WDR33: variants seen among roughly 807,000 people sequenced by gnomAD.
The protein encoded by WDR33 is WD repeat domain 33.
Under a neutral mutation model 164.9 loss-of-function variants are expected in WDR33, and 47 were observed. The observed-to-expected ratio is 0.29, with a 90% confidence interval of 0.23 to 0.36. The LOEUF is 0.36. Ranked by LOEUF, WDR33 falls within the 10% of genes least tolerant of loss-of-function variation. WDR33 has a pLI of 1.00. For synonymous variants in WDR33, 505 were observed against 589.0 expected, an observed-to-expected ratio of 0.86 and a Z score of 2.06; for missense variants, 1,137 against 1,754.1, an observed-to-expected ratio of 0.65 and a Z score of 6.28.
Position 127,735,537 on chromosome 2 carries a change from A to T in WDR33, c.725-8760T>A. On this transcript the variant is annotated intron_variant, in intron 7 of 21. Coordinates refer to ENST00000322313, the MANE Select transcript of WDR33 (RefSeq NM_018383.5). This position sits in a 1 kb window ranked among gnomAD's most constrained non-coding sequence, Gnocchi z 4.3. ...CACCAAGATTTTCTAATACAGGAAG[A>T]AAAAAGGCAAACAAAGAATTCAAGT... The T allele has an allele frequency of 1.0e-6, 1 of 985,570 alleles. No homozygotes were observed. The highest frequency in any genetic ancestry group is 1.2e-6 in the Non-Finnish European group (1 of 829,762). The allele number at this position is 985,570 out of a possible 1,614,324, so 61.1% of individuals were successfully genotyped here. A position where few individuals can be genotyped will look rare whatever the true frequency, so the allele number is the denominator to read the frequency against.
Position 127,756,153 on chromosome 2 carries a change from G to T in WDR33, c.724+6909C>A, listed in dbSNP as rs1484683908. On this transcript the variant is annotated intron_variant, in intron 7 of 21. Coordinates refer to ENST00000322313, the MANE Select transcript of WDR33 (RefSeq NM_018383.5). ...GTTCGAGACCAGCCTGGCTGACATG[G>T]TGAAACGCTGTCTCCACTAAAAATA... 3.9e-5 allele frequency among the ~76,000 whole-genome samples: 6 copies of T among 152,036 alleles called. No homozygotes were observed. The East Asian group carries it at 1.2e-3, about 29-fold the overall frequency.
rs748530796 is a variant in WDR33, at chr2:127,709,821, C to T, written c.3344G>A (p.Arg1115His). The change falls in exon 19 of 22, where the codon CGT (arginine) becomes CAT (histidine). Residue 1115 changes from arginine to histidine, a missense_variant. Transcript: ENST00000322313. The surrounding 1 kb of genome is among the most constrained non-coding windows in gnomAD (Gnocchi z 5.0). ...RRGAPPRHEG[R>H]APPRGRDGFP... ...ACCATCCCTTCCTCTGGGGGGAGCA[C>T]GGCCCTCATGCCTCGGCGGGGCTCC... is the stretch of plus-strand genomic sequence containing the variant. 24 of 1,614,084 alleles carry T rather than the reference C, an allele frequency of 1.5e-5. No homozygotes were observed. The highest frequency in any genetic ancestry group is 1.1e-4 in the African/African-American group (8 of 74,926).
intron 1 of WDR33, among the ~76,000 whole-genome samples, chr2:127,794,662 T>C (rs1191455215): frequency 6.6e-6 from 1 of 151,460 alleles, no homozygotes; most frequent in Non-Finnish European, 1.5e-5. Flanking sequence ...GTGAAACCCC[T>C]GTCTCTACTA....
intron 1 of WDR33, among the ~76,000 whole-genome samples, chr2:127,784,567 G>A (rs566555716): frequency 6.4e-4 from 97 of 152,198 alleles, no homozygotes; most frequent in African/African-American, 2.3e-3. Context: ...ATTTTGTAGA[G>A]ATGGGGTTTC....
intron 7 of WDR33, among the ~76,000 whole-genome samples, chr2:127,756,599 AAAG>A (rs1209187845): frequency 6.6e-6 from 1 of 152,168 alleles, no homozygotes; most frequent in Non-Finnish European, 1.5e-5. Flanking sequence ...GAGATTTATA[AAAG>A]AACAGGGTAA....
At position 127,706,522 on chromosome 2, in the gene WDR33, A is replaced by G; in HGVS notation, c.3812T>C (p.Val1271Ala). Residue 1271 changes from valine (V) to alanine (A), a missense_variant, in exon 22 of 22, where the codon GTG becomes GCG. By Grantham distance (64) the Val-to-Ala change is moderately conservative. Around this residue, in one of 9 missense-constraint regions of WDR33, gnomAD observed 867 missense variants for 1,073.0 expected, o/e 0.81. Coordinates refer to ENST00000322313, the MANE Select transcript of WDR33 (RefSeq NM_018383.5). This position sits in a 1 kb window ranked among gnomAD's most constrained non-coding sequence, Gnocchi z 5.1. Reference sequence around the variant, plus strand: ...GGAGCTGGAACGCCCAGATTTGGGCACTCTCTGAGCAGGTCCTGGGCCCCC... The same window carrying G: ...GGAGCTGGAACGCCCAGATTTGGGCGCTCTCTGAGCAGGTCCTGGGCCCCC... Reference protein sequence around the residue: ...GRGGPGPAQRVPKSGRSSSLD... With the variant: ...GRGGPGPAQRAPKSGRSSSLD... 1.9e-6 allele frequency: 3 copies of G among 1,613,098 alleles called. No homozygotes were observed. The highest frequency in any genetic ancestry group is 1.1e-5 in the South Asian group (1 of 90,868).
chr2:127,713,448 A>G lies in WDR33; in HGVS notation c.3308+135T>C. On this transcript the variant is annotated intron_variant, in intron 18 of 21. Coordinates refer to ENST00000322313, the MANE Select transcript of WDR33 (RefSeq NM_018383.5). This position sits in a 1 kb window ranked among gnomAD's most constrained non-coding sequence, Gnocchi z 6.2. ...ACACTTTTTTTAAACGTCCAAATGCAAACTCTACAGAGTGCAGGGCTGGTA... is the reference window on the plus strand; with the variant it reads ...ACACTTTTTTTAAACGTCCAAATGCGAACTCTACAGAGTGCAGGGCTGGTA... 9.7e-7 allele frequency: 1 copy of G among 1,027,088 alleles called. No individual in the cohort carries two copies. The highest frequency in any genetic ancestry group is 3.3e-4 in the Middle Eastern group (1 of 3,030). The allele number at this position is 1,027,088 out of a possible 1,614,324, so 63.6% of individuals were successfully genotyped here.
At chr2:127,745,826 C>A (rs574785286) in intron 7 of WDR33, among the ~76,000 whole-genome samples, 1 of 151,936 alleles carries the variant, frequency 6.6e-6, no homozygotes, top group African/African-American at 2.4e-5. Context: ...AAAAACAGCA[C>A]GTCGTTCTCC....
chr2:127,804,592 CA>C (rs1355727010), intron 1 of WDR33, among the ~76,000 whole-genome samples: 5 of 152,142 alleles, frequency 3.3e-5, no homozygotes, highest in African/African-American at 1.2e-4. Flanking sequence ...GCAAATGTGA[CA>C]AAATGTTAAA....
At chr2:127,797,986 C>G (rs1009331758) in intron 1 of WDR33, among the ~76,000 whole-genome samples, 2 of 152,132 alleles carry the variant, frequency 1.3e-5, no homozygotes, top group Non-Finnish European at 2.9e-5. Flanking sequence ...TGCACTTCAA[C>G]CTGGTGACAG....
At chr2:127,750,677 A>ATAT (rs1553475055) in intron 7 of WDR33, among the ~76,000 whole-genome samples, 1 of 35,790 alleles carries the variant, frequency 2.8e-5, no homozygotes, top group Non-Finnish European at 4.4e-5. Flanking sequence ...AAAAAAAAAA[A>ATAT]ATATATATAT....
chr2:127,767,906 C>T (rs1174381545), intron 4 of WDR33, among the ~76,000 whole-genome samples: 1 of 152,108 alleles, frequency 6.6e-6, no homozygotes, highest in East Asian at 1.9e-4. Flanking sequence ...AGCATTCCTA[C>T]TCAAACGCAA....
At chr2:127,806,839 C>T (rs1689458037) in intron 1 of WDR33, among the ~76,000 whole-genome samples, 1 of 152,014 alleles carries the variant, frequency 6.6e-6, no homozygotes, top group Non-Finnish European at 1.5e-5. Context: ...GACATGCATC[C>T]TGAGGTATTA....
chr2:127,702,161 G>A lies in WDR33; in HGVS notation c.*4162C>T. 4 of 1,214,316 alleles carry A rather than the reference G, an allele frequency of 3.3e-6. No homozygotes were observed. The highest frequency in any genetic ancestry group is 4.1e-6 in the Non-Finnish European group (4 of 976,826). 75.2% of individuals were successfully genotyped at this position (1,214,316 alleles called of 1,614,324 possible). ...TGGGCCGCGGCGCCGGCCTCGCCAA[G>A]GTGCTGCCCGTGTGAGGACCTCGCG... is the stretch of plus-strand genomic sequence containing the variant. On this transcript the variant is annotated 3_prime_UTR_variant, in exon 22 of 22. Coordinates refer to ENST00000322313, the MANE Select transcript of WDR33 (RefSeq NM_018383.5).
rs1305587092 is a variant in WDR33 at position 127,720,228 on chromosome 2, T to C, written c.1797A>G (p.Gln599=). The C allele has an allele frequency of 1.3e-6, 2 of 1,596,408 alleles. No individual in the cohort carries two copies. Among genetic ancestry groups the C allele is most frequent in the East Asian group, 2.2e-5 (1 of 44,660 alleles). The change falls in exon 16 of 22, where the codon CAA becomes CAG. Residue 599 remains glutamine (Q), a synonymous_variant. Transcript: ENST00000322313. The surrounding 1 kb of genome is among the most constrained non-coding windows in gnomAD (Gnocchi z 5.9). ...GAGATGGATGGGGCTGTTGAAAACC[T>C]TGAGGAATCTGAGACATTGGACCTT... ...PGQGPMSQIP[Q]GFQQPHPSQQ... is the part of the protein sequence containing the mutation.
intron 1 of WDR33, among the ~76,000 whole-genome samples, chr2:127,776,136 A>G (rs930529341): frequency 6.6e-6 from 1 of 152,152 alleles, no homozygotes; most frequent in East Asian, 1.9e-4. Flanking sequence ...TAGGGCCCTA[A>G]TCCAATCTAA....
At chr2:127,732,108 A>AC (rs1686723120) in intron 7 of WDR33, among the ~76,000 whole-genome samples, 3 of 138,122 alleles carry the variant, frequency 2.2e-5, no homozygotes, top group Non-Finnish European at 4.7e-5. Flanking sequence ...CAACATATAC[A>AC]ACACACACAC....
chr2:127,737,787 C>T, intron 7 of WDR33: 1 of 1,301,724 alleles, frequency 7.7e-7, no homozygotes, highest in Non-Finnish European at 9.7e-7. Flanking sequence ...TGAACAAGTT[C>T]ACTTTCAGTT....
At chr2:127,755,789 T>C (rs929657667) in intron 7 of WDR33, among the ~76,000 whole-genome samples, 2 of 152,228 alleles carry the variant, frequency 1.3e-5, no homozygotes, top group African/African-American at 2.4e-5. Context: ...TTTTGTTTAA[T>C]AACATTAAAA....
Sources: allele counts gnomAD v4.1 joint callset (sites outside exome capture counted in the v4.1 genomes callset), GRCh38; gene constraint gnomAD v4.1.1; regional missense constraint gnomAD v4.1.1; non-coding constraint Gnocchi (gnomAD v3.1); transcripts MANE v1.5; gene names NCBI Gene and HGNC (gene_info 2026-07-23, HGNC 2026-07-21).